The following REN variants were observed in gnomAD, a reference collection of about 807,000 sequenced individuals.
REN encodes the protein angiotensin-forming enzyme.
In REN, 42 loss-of-function variants were observed where a neutral mutation model predicts 48.6. The observed-to-expected ratio is 0.86, with a 90% CI of 0.68 to 1.12. The LOEUF (loss-of-function observed/expected upper bound fraction) is 1.12, where lower values mean the gene tolerates loss of function less well. Ranked by LOEUF, REN falls within the 50% of genes most tolerant of loss-of-function variation. REN has a pLI of 0.00. For synonymous variants in REN, 196 were observed against 204.6 expected, an observed-to-expected ratio of 0.96 and a Z score of 0.36; for missense variants, 443 against 527.3, an observed-to-expected ratio of 0.84 and a Z score of 1.57.
At chr1:204,160,760 G>T (rs1366809418) in intron 3 of REN, 82 bp from the exon 4 acceptor site, 11 of 977,548 alleles carry the variant, frequency 1.1e-5, no homozygotes, top group African/African-American at 1.1e-4. Flanking sequence ...TGTGGGTATG[G>T]CTGGTTAGCT....
chr1:204,161,193 T>C, intron 3 of REN, 99 bp downstream of exon 3: 1 of 1,357,696 alleles, frequency 7.4e-7, no homozygotes, highest in Non-Finnish European at 9.9e-7. Context: ...AGCCACTCCC[T>C]TGGTGGCAAG....
In REN at chr1:204,156,532, C is replaced by A. The variant is rs1558243712; in HGVS notation, c.818+145G>T. The stretch of plus-strand genomic sequence containing the variant: ...TCTCTGTTCCCCAGCCTGGACAGAG[C>A]AGGCAGAGAGCAAATGGTGGCTGTG... On this transcript the variant is annotated intron_variant, in intron 7 of 9. Transcript: ENST00000272190. This position sits in a 1 kb window ranked among gnomAD's most constrained non-coding sequence, Gnocchi z 4.2. 1.5e-6 allele frequency: 2 copies of A among 1,359,522 alleles called. No homozygotes were observed. The highest frequency in any genetic ancestry group is 2.1e-6 in the Non-Finnish European group (2 of 965,098). The allele number at this position is 1,359,522 out of a possible 1,614,324, so 84.2% of individuals were successfully genotyped here.
Position 204,161,362 on chromosome 1 carries a change from G to A in REN, c.303C>T (p.Val101=), listed in dbSNP as rs1157807865. The A allele has an allele frequency of 1.2e-5, 20 of 1,607,770 alleles. No homozygotes were observed. Among genetic ancestry groups the A allele is most frequent in the Middle Eastern group, 1.6e-4 (1 of 6,062 alleles). ...GIGTPPQTFK[V]VFDTGSSNVW... ...CATTGGACGAACCAGTGTCAAAGAC[G>A]ACTTTGAAGGTCTGGGGTGGGGTGC... The change falls in exon 3 of 10, where the codon GTC becomes GTT. Residue 101 remains valine, a synonymous_variant. Coordinates refer to ENST00000272190, the MANE Select transcript of REN (RefSeq NM_000537.4).
chr1:204,159,410 GA>G lies in REN; in HGVS notation c.677del (p.Phe226SerfsTer46). ...GTCCCAGTCCCCACCTGTTGTAGTA[GA>G]AAGAGAAGACGTCCTCTTTTAGCAC... ...QGVLKEDVFSFYYNRDSENSQ... is the reference protein window; with the variant it reads ...QGVLKEDVFSXYYNRDSENSQ... On this transcript the variant is annotated frameshift_variant, in exon 5 of 10. Transcript: ENST00000272190. LOFTEE classifies it high-confidence loss of function. 1 of 1,613,924 alleles carries G rather than the reference GA, an allele frequency of 6.2e-7. No homozygotes were observed. The highest frequency in any genetic ancestry group is 8.5e-7 in the Non-Finnish European group (1 of 1,179,914).
At chr1:204,164,791 C>T (rs1338911500) in intron 1 of REN, among the ~76,000 whole-genome samples, 2 of 151,836 alleles carry the variant, frequency 1.3e-5, no homozygotes, top group Non-Finnish European at 2.9e-5. Flanking sequence ...TGGTCTTGAA[C>T]TCGTGAGCTC....
At chr1:204,161,002 T>G (rs1658236722) in intron 3 of REN, among the ~76,000 whole-genome samples, 1 of 152,136 alleles carries the variant, frequency 6.6e-6, no homozygotes, top group Non-Finnish European at 1.5e-5. Flanking sequence ...GAGTTCCGAG[T>G]GCCTGGGATG....
At chr1:204,165,433 G>A (rs1418341779) in intron 1 of REN, among the ~76,000 whole-genome samples, 1 of 152,144 alleles carries the variant, frequency 6.6e-6, no homozygotes, top group Non-Finnish European at 1.5e-5. Flanking sequence ...GATAAACTGA[G>A]ACTTGGAGAG....
chr1:204,162,202 G>A (rs962067874), intron 1 of REN, 39 bp from the exon 2 acceptor site: 19 of 1,610,884 alleles, frequency 1.2e-5, no homozygotes, highest in Non-Finnish European at 1.6e-5. Context: ...GAAAAGTGCT[G>A]TACCTCCACC....
chr1:204,155,143 G>T lies in REN; in HGVS notation c.1094C>A (p.Ala365Asp). The change falls in exon 10 of 10, where the codon GCC becomes GAC. Residue 365 changes from alanine (A) to aspartate (D), a missense_variant. Ala to Asp is a moderately radical substitution (Grantham distance 126). Coordinates refer to ENST00000272190, the MANE Select transcript of REN (RefSeq NM_000537.4). ...TGGCGGGATATCCATGGCGTGGATGGCCAGTGTGCACAGCTTTTTACTACT... is the reference window on the plus strand; with the variant it reads ...TGGCGGGATATCCATGGCGTGGATGTCCAGTGTGCACAGCTTTTTACTACT... ...SYSSKKLCTL[A>D]IHAMDIPPPT... is the part of the protein sequence containing the mutation. 1 of 1,614,246 alleles carries T rather than the reference G, an allele frequency of 6.2e-7. No homozygotes were observed.
At chr1:204,160,780 G>A (rs1658230762) in intron 3 of REN, 102 bp from the exon 4 acceptor site, 1 of 844,388 alleles carries the variant, frequency 1.2e-6, no homozygotes, top group African/African-American at 1.7e-5. Context: ...TTAGGTGCAG[G>A]GATGAGTGGC....
At position 204,162,369 on chromosome 1, in the gene REN, C is replaced by T. The variant is rs563787715; in HGVS notation, c.99-206G>A. ...AGTCAATTTAGAGGAGTCAGCTGCCCGGGGATTAAATAACCCTGAAGTGAC... is the reference window on the plus strand; with the variant it reads ...AGTCAATTTAGAGGAGTCAGCTGCCTGGGGATTAAATAACCCTGAAGTGAC... On this transcript the variant is annotated intron_variant, in intron 1 of 9. Coordinates refer to ENST00000272190, the MANE Select transcript of REN (RefSeq NM_000537.4). Among the ~76,000 whole-genome samples the T allele has an allele frequency of 5.9e-5, 9 of 152,240 alleles. No individual in the cohort carries two copies. In the South Asian group the frequency reaches 8.3e-4, roughly 14 times the overall value.
rs778866433 is a variant in REN at position 204,155,792 on chromosome 1, C to T, written c.1059+28G>A. 6 of 1,544,470 alleles carry T rather than the reference C, an allele frequency of 3.9e-6. No individual in the cohort carries two copies. The African/African-American group carries it at 8.2e-5, about 21-fold the overall frequency. ...GGTCTCTGTCCAGCCTTTCTCCCTG[C>T]CACCGAGGGGGCCGACTCGAACCTC... On this transcript the variant is annotated intron_variant, in intron 9 of 9. Coordinates refer to ENST00000272190, the MANE Select transcript of REN (RefSeq NM_000537.4).
At chr1:204,161,903 C>A in intron 2 of REN, 110 bp downstream of exon 2, 3 of 1,393,508 alleles carry the variant, frequency 2.2e-6, no homozygotes, top group South Asian at 1.3e-5. Flanking sequence ...TGCTACTCAG[C>A]GCCTTCGTCA....
chr1:204,163,055 T>A (rs548409236), intron 1 of REN, among the ~76,000 whole-genome samples: 9 of 152,250 alleles, frequency 5.9e-5, no homozygotes, highest in Admixed American at 3.3e-4. Flanking sequence ...CTATTTCCCA[T>A]ATAGGGTCCC....
intron 4 of REN, among the ~76,000 whole-genome samples, chr1:204,160,108 G>A (rs543354982): frequency 1.5e-4 from 23 of 152,186 alleles, no homozygotes; most frequent in African/African-American, 5.3e-4. Context: ...ATGAGGAAAC[G>A]GTCAGACATG....
chr1:204,161,261 G>T (rs1356001230), intron 3 of REN, 31 bp downstream of exon 3: 3 of 1,570,898 alleles, frequency 1.9e-6, no homozygotes, highest in Non-Finnish European at 1.7e-6. Flanking sequence ...CAGGGGGATG[G>T]AGGAGAGGCA....
intron 1 of REN, among the ~76,000 whole-genome samples, chr1:204,163,027 C>G (rs1658277066): frequency 1.3e-5 from 2 of 152,182 alleles, no homozygotes; most frequent in African/African-American, 4.8e-5. Flanking sequence ...AGCAGGGATT[C>G]AGAGCATGTG....
chr1:204,156,956 A>C lies in REN; in HGVS notation c.699-160T>G, dbSNP rs914311595. On this transcript the variant is annotated intron_variant, in intron 6 of 9. Coordinates refer to ENST00000272190, the MANE Select transcript of REN (RefSeq NM_000537.4). The surrounding 1 kb of genome is among the most constrained non-coding windows in gnomAD (Gnocchi z 4.2). ...AGGCTCGGAGCTGTCGTTGGGAAGC[A>C]TGCAGAACATACTGCTTCTCTGCCT... Among the ~76,000 whole-genome samples, 1 of 152,178 alleles carries C rather than the reference A, an allele frequency of 6.6e-6. No individual in the cohort carries two copies. Among genetic ancestry groups the C allele is most frequent in the South Asian group, 2.1e-4 (1 of 4,830 alleles).
chr1:204,163,403 A>G (rs1226930678), intron 1 of REN, among the ~76,000 whole-genome samples: 2 of 152,182 alleles, frequency 1.3e-5, no homozygotes, highest in African/African-American at 4.8e-5. Flanking sequence ...TTTCACAATC[A>G]TTATTTTATT....
Sources: gnomAD v4.1 joint callset for allele counts (sites outside exome capture counted in the v4.1 genomes callset) on GRCh38, gnomAD v4.1.1 for gene constraint, Gnocchi (gnomAD v3.1) non-coding constraint, MANE v1.5 for transcripts, NCBI Gene and HGNC (gene_info 2026-07-23, HGNC 2026-07-21) for gene names.